Variants in KCP observed in about 807,000 individuals in gnomAD.
KCP encodes kielin cysteine rich BMP regulator.
KCP carries 194 observed loss-of-function variants against 212.7 expected under a neutral mutation model. The ratio of observed to expected loss-of-function variants is 0.91; its 90% CI spans 0.81 to 1.03. The LOEUF is 1.03. Ranked by LOEUF, KCP falls within the 50% of genes least tolerant of loss-of-function variation. The pLI, the probability that KCP is intolerant of heterozygous loss-of-function variation, is 0.00. For missense variants in KCP, 2,080 were observed against 2,162.5 expected (o/e 0.96, Z 0.76); for synonymous variants, 833 against 865.3 (o/e 0.96, Z 0.65).
rs1296211292 is a variant in KCP, at chr7:128,903,742, A to G, written c.733T>C (p.Cys245Arg). The change falls in exon 7 of 40, where the codon TGC (cysteine) becomes CGC (arginine). Residue 245 changes from cysteine (C) to arginine (R), a missense_variant. Cys to Arg is a radical substitution (Grantham distance 180, BLOSUM62 -3). Transcript: ENST00000610776. ...PEPVLRPGHC[C>R]PTCQGCTEGG... ...GGGCTCTCACCTTGGCAGGTTGGGCAGCAGTGCCCAGGCCTCAGCACTGGC... is the reference window on the plus strand; with the variant it reads ...GGGCTCTCACCTTGGCAGGTTGGGCGGCAGTGCCCAGGCCTCAGCACTGGC... 6.5e-7 allele frequency: 1 copy of G among 1,550,202 alleles called. No homozygotes were observed. Among genetic ancestry groups the G allele is most frequent in the Non-Finnish European group, 8.7e-7 (1 of 1,146,378 alleles).
chr7:128,882,070 A>T, intron 29 of KCP, 54 bp from the exon 30 acceptor site: 1 of 1,379,502 alleles, frequency 7.2e-7, no homozygotes, highest in South Asian at 1.2e-5. Context: ...CAGGGCTGGA[A>T]ATCCCAGCTG....
intron 21 of KCP, 171 bp downstream of exon 21, chr7:128,890,172 A>C (rs1038536729): frequency 5.9e-5 from 75 of 1,260,696 alleles, no homozygotes; most frequent in Non-Finnish European, 7.9e-5. Flanking sequence ...CTCCTGCCTC[A>C]GCCTCCCAAA....
In KCP at chr7:128,908,467, G is replaced by C; in HGVS notation, c.178C>G (p.Leu60Val). The C allele has an allele frequency of 6.4e-7, 1 of 1,551,940 alleles. No individual in the cohort carries two copies. Among genetic ancestry groups the C allele is most frequent in the Non-Finnish European group, 8.7e-7 (1 of 1,147,046 alleles). The change falls in exon 2 of 40, where the codon CTG becomes GTG. Residue 60 changes from leucine (L) to valine (V), a missense_variant. Transcript: ENST00000610776. ...ATCACTGCAGCCTCCAGTCGCCCCA[G>C]CCACTCTCGCAGGGGGTGCCACTGC... ...QEQWHPLREWLGRLEAAVMEL... is the reference protein window; with the variant it reads ...QEQWHPLREWVGRLEAAVMEL...
At position 128,881,674 on chromosome 7, in the gene KCP, G is replaced by T. The variant is rs1216396928; in HGVS notation, c.3376C>A (p.Leu1126Ile). Residue 1126 changes from leucine (L) to isoleucine (I), a missense_variant, in exon 31 of 40, where the codon CTC becomes ATC. Leu to Ile is a conservative substitution (Grantham distance 5, BLOSUM62 2). Transcript: ENST00000610776. ...CCAGGGGGAGTGTGGCGCTCTGAGA[G>T]GGGACAGCTGAGCTCAGGACAAGCC... ...HQACPELSCP[L>I]SERHTPPGSC... The T allele has an allele frequency of 1.3e-6, 2 of 1,517,000 alleles. No homozygotes were observed. Among genetic ancestry groups the T allele is most frequent in the Non-Finnish European group, 1.8e-6 (2 of 1,138,452 alleles). The allele number at this position is 1,517,000 out of a possible 1,614,324, so 94.0% of individuals were successfully genotyped here.
Position 128,891,072 on chromosome 7 carries a change from G to A in KCP, c.1997C>T (p.Pro666Leu), listed in dbSNP as rs1378815139. Residue 666 changes from proline (P) to leucine (L), a missense_variant, in exon 20 of 40, where the codon CCA becomes CTA. Physicochemically the swap from Pro to Leu is moderately conservative, Grantham distance 98 (BLOSUM62 -3). Transcript: ENST00000610776. ...GCGGGCGTGGGCCGCGCCGGGCCGT[G>A]GGCAGCCGGCGGGGGCTGGGGCGGC... ...CPAAPAPAGC[P>L]RPGAAHARHQ... 26 of 1,414,854 alleles carry A rather than the reference G, an allele frequency of 1.8e-5. No individual in the cohort carries two copies. The highest frequency in any genetic ancestry group is 2.4e-5 in the Non-Finnish European group (26 of 1,091,886). 87.6% of individuals were successfully genotyped at this position (1,414,854 alleles called of 1,614,324 possible).
At chr7:128,887,375 C>A (rs1209018731) in intron 22 of KCP, 75 bp from the exon 23 acceptor site, 5 of 1,116,086 alleles carry the variant, frequency 4.5e-6, no homozygotes, top group Non-Finnish European at 6.6e-6. Context: ...CACAGCCCCT[C>A]CCCCTCCACA....
intron 28 of KCP, among the ~76,000 whole-genome samples, 156 bp downstream of exon 28, chr7:128,884,625 G>T (rs988958263): frequency 6.6e-6 from 1 of 152,174 alleles, no homozygotes; most frequent in Admixed American, 6.5e-5. Flanking sequence ...GGCCCTGTTG[G>T]CCCCAACCCT....
At position 128,893,273 on chromosome 7, in the gene KCP, C is replaced by T. The variant is rs1350053360; in HGVS notation, c.1232G>A (p.Cys411Tyr). 6.4e-7 allele frequency: 1 copy of T among 1,551,444 alleles called. No individual in the cohort carries two copies. Among genetic ancestry groups the T allele is most frequent in the Non-Finnish European group, 8.7e-7 (1 of 1,146,916 alleles). ...CTGGCGGCCAGAGGCAGGCAGGGCA[C>T]AGGGGGTGACTGGGCACTCCTGCTC... is the stretch of plus-strand genomic sequence containing the variant. ...CEEQECPVTP[C>Y]ALPASGRQLC... The change falls in exon 13 of 40, where the codon TGT becomes TAT. Residue 411 changes from cysteine to tyrosine, a missense_variant. Coordinates refer to ENST00000610776, the MANE Select transcript of KCP (RefSeq NM_001366122.1).
Position 128,888,967 on chromosome 7 carries a change from C to G in KCP, c.2408G>C (p.Cys803Ser). ...GGTCACGAAGCCTCCAAGACAGGTA[C>G]ACAGGTTGCAGGGTTCTCGGGGGTC... ...FPDPREPCNL[C>S]TCLGGFVTCG... The change falls in exon 22 of 40, where the codon TGT becomes TCT. Residue 803 changes from cysteine (C) to serine (S), a missense_variant. Transcript: ENST00000610776. The G allele has an allele frequency of 6.5e-7, 1 of 1,549,754 alleles. No homozygotes were observed. Among genetic ancestry groups the G allele is most frequent in the South Asian group, 1.2e-5 (1 of 83,888 alleles).
intron 23 of KCP, 75 bp from the exon 24 acceptor site, chr7:128,887,041 C>T: frequency 2.0e-6 from 2 of 1,018,258 alleles, no homozygotes; most frequent in South Asian, 1.4e-5. Context: ...ACTGAGCCTG[C>T]AGGGGCCCAA....
At position 128,881,717 on chromosome 7, in the gene KCP, T is replaced by C. The variant is rs971588649; in HGVS notation, c.3333A>G (p.Thr1111=). 3.9e-6 allele frequency: 6 copies of C among 1,534,140 alleles called. No homozygotes were observed. Among genetic ancestry groups the C allele is most frequent in the South Asian group, 1.2e-5 (1 of 81,620 alleles). ...GACAAGCCTGGTGGATGCAGAGCCA[T>C]GTCAGGTCCTGCCCATGTGAACACA... ...PCYTCQCQDL[T]WLCIHQACPE... The change falls in exon 31 of 40, where the codon ACA becomes ACG. Residue 1111 remains threonine, a synonymous_variant. Transcript: ENST00000610776.
At chr7:128,900,871 G>A (rs1794803024) in intron 8 of KCP, among the ~76,000 whole-genome samples, 2 of 152,166 alleles carry the variant, frequency 1.3e-5, no homozygotes, top group African/African-American at 4.8e-5. Flanking sequence ...TCTTATAAAA[G>A]GGAGAGGGAA....
intron 5 of KCP, chr7:128,904,459 T>C: frequency 9.1e-7 from 1 of 1,093,758 alleles, no homozygotes; most frequent in South Asian, 1.5e-5. Context: ...TCCCTCCTCG[T>C]CCCTTCCTGT....
chr7:128,893,225 C>T lies in KCP; in HGVS notation c.1267+13G>A, dbSNP rs543963815. The T allele has an allele frequency of 2.9e-4, 456 of 1,550,520 alleles. 2 individuals are homozygous for T. The highest frequency in any genetic ancestry group is 3.8e-4 in the South Asian group (32 of 84,034). On this transcript the variant is annotated intron_variant, in intron 13 of 39. Coordinates refer to ENST00000610776, the MANE Select transcript of KCP (RefSeq NM_001366122.1). ...GCGCCCATAGCAGCTGCTCCTCCCC[C>T]TCTCACACACACCTGGGCAGAGCTG... is the stretch of plus-strand genomic sequence containing the variant.
chr7:128,909,594 C>G (rs913288304), intron 1 of KCP, among the ~76,000 whole-genome samples: 1 of 152,116 alleles, frequency 6.6e-6, no homozygotes, highest in African/African-American at 2.4e-5. Context: ...TACATCCCCC[C>G]CTTCTCCTCT....
At chr7:128,905,128 T>A (rs1403650387) in intron 5 of KCP, among the ~76,000 whole-genome samples, 1 of 152,054 alleles carries the variant, frequency 6.6e-6, no homozygotes, top group Non-Finnish European at 1.5e-5. Flanking sequence ...CTGGTCTGAG[T>A]CCTTGTCCCA....
intron 8 of KCP, among the ~76,000 whole-genome samples, chr7:128,894,707 A>C (rs1339858631): frequency 2.0e-5 from 3 of 152,114 alleles, no homozygotes; most frequent in Admixed American, 1.3e-4. Flanking sequence ...CCTGGGTTCA[A>C]GCGATTCTCC....
At position 128,892,861 on chromosome 7, in the gene KCP, G is replaced by A; in HGVS notation, c.1420+8C>T. 1 of 1,551,026 alleles carries A rather than the reference G, an allele frequency of 6.4e-7. No homozygotes were observed. Among genetic ancestry groups the A allele is most frequent in the Non-Finnish European group, 8.7e-7 (1 of 1,146,708 alleles). On this transcript the variant is annotated splice_region_variant and intron_variant, in intron 14 of 39. Coordinates refer to ENST00000610776, the MANE Select transcript of KCP (RefSeq NM_001366122.1). ...GGGAAGAAAGCCAGGATCAGCCCAG[G>A]CACTCACCAGGGGGCTGGGTGGGGT...
At chr7:128,877,381 C>T (rs1331520817) in intron 39 of KCP, 70 bp from the exon 40 acceptor site, 3 of 1,525,616 alleles carry the variant, frequency 2.0e-6, no homozygotes, top group South Asian at 1.2e-5. Flanking sequence ...CGTACCCCTG[C>T]GAGACTCGCC....
Sources: allele counts gnomAD v4.1 joint callset (sites outside exome capture counted in the v4.1 genomes callset), GRCh38; gene constraint gnomAD v4.1.1; transcripts MANE v1.5; gene names NCBI Gene and HGNC (gene_info 2026-07-23, HGNC 2026-07-21).